The following MARCHF4 variants were observed in gnomAD, a reference collection of about 807,000 sequenced individuals.
The protein encoded by MARCHF4 is membrane associated ring-CH-type finger 4, also known as E3 ubiquitin-protein ligase MARCHF4.
A neutral mutation model predicts 43.9 loss-of-function variants in MARCHF4; 14 were observed. The ratio of observed to expected loss-of-function variants is 0.32; its 90% confidence interval spans 0.21 to 0.50. The LOEUF (loss-of-function observed/expected upper bound fraction) is 0.50, where lower values mean the gene tolerates loss of function less well. Ranked by LOEUF, MARCHF4 falls within the 20% of genes least tolerant of loss-of-function variation. The pLI is 0.98. For synonymous variants in MARCHF4, 226 were observed against 213.3 expected, an observed-to-expected ratio of 1.06 and a Z score of -0.52; for missense variants, 468 against 536.7, an observed-to-expected ratio of 0.87 and a Z score of 1.27.
At chr2:216,337,900 G>A (rs1392456210) in intron 1 of MARCHF4, among the ~76,000 whole-genome samples, 1 of 152,132 alleles carries the variant, frequency 6.6e-6, no homozygotes, top group African/African-American at 2.4e-5. Flanking sequence ...ACCAAAAGGA[G>A]GAAGACACTC....
At chr2:216,314,133 C>T (rs968310865) in intron 1 of MARCHF4, among the ~76,000 whole-genome samples, 5 of 152,020 alleles carry the variant, frequency 3.3e-5, no homozygotes, top group African/African-American at 1.2e-4. Context: ...TCTAGTTTAC[C>T]CCTATACCAG....
intron 1 of MARCHF4, among the ~76,000 whole-genome samples, chr2:216,348,621 T>C (rs536464451): frequency 6.6e-6 from 1 of 152,258 alleles, no homozygotes; most frequent in South Asian, 2.1e-4. Flanking sequence ...GAAATAACCA[T>C]AAAAATGGGC....
At chr2:216,354,992 G>C (rs1234984350) in intron 1 of MARCHF4, among the ~76,000 whole-genome samples, 1 of 72,436 alleles carries the variant, frequency 1.4e-5, no homozygotes, top group Non-Finnish European at 2.9e-5. Flanking sequence ...TCTTTTTTGA[G>C]ACAGAGTCTA....
chr2:216,307,884 G>A (rs900985233), intron 1 of MARCHF4, among the ~76,000 whole-genome samples: 5 of 151,974 alleles, frequency 3.3e-5, no homozygotes, highest in African/African-American at 1.2e-4. Context: ...TATCTCTACA[G>A]AAAAATTTAA....
chr2:216,322,140 T>C (rs1366850257), intron 1 of MARCHF4, among the ~76,000 whole-genome samples: 1 of 152,180 alleles, frequency 6.6e-6, no homozygotes, highest in Non-Finnish European at 1.5e-5. Flanking sequence ...TTGCCAAAGA[T>C]GTCTACAGAA....
At chr2:216,284,718 A>C (rs1260528375) in intron 1 of MARCHF4, among the ~76,000 whole-genome samples, 1 of 152,126 alleles carries the variant, frequency 6.6e-6, no homozygotes, top group Non-Finnish European at 1.5e-5. Flanking sequence ...CTCTGTAATC[A>C]TGCACTTGGC....
chr2:216,277,299 T>C (rs1247603027), intron 3 of MARCHF4, among the ~76,000 whole-genome samples: 1 of 152,136 alleles, frequency 6.6e-6, no homozygotes, highest in Non-Finnish European at 1.5e-5. Flanking sequence ...GAGAATGGAA[T>C]GAAATGGGCA....
intron 1 of MARCHF4, 63 bp from the exon 2 acceptor site, chr2:216,283,792 G>A: frequency 1.4e-6 from 2 of 1,480,414 alleles, no homozygotes; most frequent in Non-Finnish European, 1.8e-6. Flanking sequence ...GTGAGTGATG[G>A]GCGGGAGGGT....
At chr2:216,263,506 AGAG>A (rs1690781929) in intron 3 of MARCHF4, among the ~76,000 whole-genome samples, 2 of 142,696 alleles carry the variant, frequency 1.4e-5, no homozygotes, top group South Asian at 4.9e-4. Flanking sequence ...AGAGAGAGAG[AGAG>A]AGAGAGAGAG....
chr2:216,350,630 T>C (rs1692392932), intron 1 of MARCHF4, among the ~76,000 whole-genome samples: 1 of 152,146 alleles, frequency 6.6e-6, no homozygotes, highest in African/African-American at 2.4e-5. Flanking sequence ...CCCACCTCTC[T>C]GGTCTGCTGT....
chr2:216,272,472 C>T (rs1326032566), intron 3 of MARCHF4, among the ~76,000 whole-genome samples: 1 of 152,132 alleles, frequency 6.6e-6, no homozygotes, highest in East Asian at 1.9e-4. Flanking sequence ...AACCTGCCTC[C>T]CCAACCAAGC....
intron 1 of MARCHF4, among the ~76,000 whole-genome samples, chr2:216,345,245 C>T (rs569028169): frequency 4.6e-5 from 7 of 152,050 alleles, no homozygotes; most frequent in Non-Finnish European, 8.8e-5. Context: ...TGTAAAAGCA[C>T]GGCCCCTTCT....
intron 1 of MARCHF4, among the ~76,000 whole-genome samples, chr2:216,325,008 G>A (rs1205414401): frequency 1.3e-5 from 2 of 151,846 alleles, no homozygotes; most frequent in South Asian, 2.1e-4. Context: ...TCAATTAGGA[G>A]AAGAGGAAGT....
Position 216,372,390 on chromosome 2 carries a change from GC to G in MARCHF4, c.-2131del, listed in dbSNP as rs1363498725. ...GACCCCGCGCGTCACGCTCGTGGGG[GC>G]CTGACGCAGACGCCGCGGAGGGATG... On this transcript the variant is annotated 5_prime_UTR_variant, in exon 1 of 4. Coordinates refer to ENST00000273067, the MANE Select transcript of MARCHF4 (RefSeq NM_020814.3). Among the ~76,000 whole-genome samples the G allele has an allele frequency of 2.0e-5, 3 of 152,170 alleles. No homozygotes were observed. Among genetic ancestry groups the G allele is most frequent in the African/African-American group, 7.2e-5 (3 of 41,440 alleles).
chr2:216,365,750 G>T (rs1692656378), intron 1 of MARCHF4, among the ~76,000 whole-genome samples: 1 of 152,164 alleles, frequency 6.6e-6, no homozygotes. Context: ...TCTCCTTCTT[G>T]TACCTGATAT....
At chr2:216,361,220 AG>A (rs1296407987) in intron 1 of MARCHF4, among the ~76,000 whole-genome samples, 1 of 152,144 alleles carries the variant, frequency 6.6e-6, no homozygotes, top group Non-Finnish European at 1.5e-5. Flanking sequence ...ACCACTAGAA[AG>A]GTGTTAAAGA....
rs144192283 is a variant in MARCHF4 at position 216,295,842 on chromosome 2, G to C, written c.517-12113C>G. Among the ~76,000 whole-genome samples, 31 of 152,290 alleles carry C rather than the reference G, an allele frequency of 2.0e-4. No homozygotes were observed. The East Asian group carries it at 5.4e-3, about 27-fold the overall frequency. ...AACAGCCCTGTTGTGTCAAGGGGAG[G>C]AAAGAACAAAACAGATACCCCATGA... On this transcript the variant is annotated intron_variant, in intron 1 of 3. Coordinates refer to ENST00000273067, the MANE Select transcript of MARCHF4 (RefSeq NM_020814.3).
At chr2:216,298,938 C>T (rs1691439787) in intron 1 of MARCHF4, among the ~76,000 whole-genome samples, 1 of 152,182 alleles carries the variant, frequency 6.6e-6, no homozygotes, top group South Asian at 2.1e-4. Flanking sequence ...GCCAAATCGG[C>T]CTTCAGGAGG....
At chr2:216,272,715 C>A (rs1690959440) in intron 3 of MARCHF4, among the ~76,000 whole-genome samples, 1 of 152,210 alleles carries the variant, frequency 6.6e-6, no homozygotes, top group Non-Finnish European at 1.5e-5. Flanking sequence ...AGGGATGTCA[C>A]AGTTTGTTCC....
Sources: gnomAD v4.1 joint callset for allele counts (sites outside exome capture counted in the v4.1 genomes callset) on GRCh38, gnomAD v4.1.1 for gene constraint, MANE v1.5 for transcripts, NCBI Gene and HGNC (gene_info 2026-07-23, HGNC 2026-07-21) for gene names.